NCOA1: variants seen among roughly 807,000 people sequenced by gnomAD.
The protein encoded by NCOA1 is nuclear receptor coactivator 1, also known as Hin-2 protein.
NCOA1 carries 35 observed loss-of-function variants against 150.9 expected under a neutral mutation model. That is an observed-to-expected ratio of 0.23 (90% CI 0.18 to 0.31). NCOA1 has a LOEUF of 0.31. NCOA1 is among the 10% of genes least tolerant of loss of function. NCOA1 has a pLI of 1.00. For missense variants in NCOA1, 1,491 were observed against 1,749.3 expected (o/e 0.85, Z 2.63); for synonymous variants, 590 against 630.0 (o/e 0.94, Z 0.95).
chr2:24,557,301 T>C (rs555718652), intron 1 of NCOA1, among the ~76,000 whole-genome samples: 3 of 152,246 alleles, frequency 2.0e-5, no homozygotes, highest in Admixed American at 6.5e-5. Flanking sequence ...TTTACAGCAC[T>C]GTACTTCAAT....
intron 14 of NCOA1, among the ~76,000 whole-genome samples, chr2:24,724,000 A>T (rs1052143557): frequency 1.3e-5 from 2 of 152,138 alleles, no homozygotes; most frequent in Non-Finnish European, 2.9e-5. Flanking sequence ...GTGTACAGAA[A>T]TTTTTTTCTA....
intron 22 of NCOA1, 81 bp downstream of exon 22, chr2:24,762,857 C>T (rs1356606586): frequency 7.8e-7 from 1 of 1,289,480 alleles, no homozygotes; most frequent in East Asian, 2.3e-5. Flanking sequence ...CATTAAGAGC[C>T]TGACCTTGGG....
chr2:24,681,192 C>T (rs1205899629), intron 7 of NCOA1, among the ~76,000 whole-genome samples: 4 of 152,046 alleles, frequency 2.6e-5, no homozygotes, highest in Non-Finnish European at 1.5e-5. Context: ...GGTAAAACCC[C>T]ATCTCTACTA....
intron 10 of NCOA1, among the ~76,000 whole-genome samples, chr2:24,694,827 A>AC (rs1048433357): frequency 3.3e-5 from 5 of 151,702 alleles, no homozygotes; most frequent in African/African-American, 1.2e-4. Flanking sequence ...TTTTTTTAAA[A>AC]TTTTTTTTTA....
intron 1 of NCOA1, among the ~76,000 whole-genome samples, chr2:24,503,669 G>T (rs1663561860): frequency 6.6e-6 from 1 of 151,384 alleles, no homozygotes; most frequent in African/African-American, 2.4e-5. Flanking sequence ...TGAGATATAT[G>T]GAAACTTGTC....
At chr2:24,738,993 C>T (rs1346645816) in intron 17 of NCOA1, among the ~76,000 whole-genome samples, 3 of 152,176 alleles carry the variant, frequency 2.0e-5, no homozygotes, top group Non-Finnish European at 4.4e-5. Flanking sequence ...CCAGCTTGCT[C>T]AACTTTCCCT....
intron 14 of NCOA1, among the ~76,000 whole-genome samples, chr2:24,721,262 T>C (rs922303821): frequency 2.0e-5 from 3 of 152,194 alleles, no homozygotes; most frequent in Non-Finnish European, 4.4e-5. Context: ...TTAATCTGTA[T>C]GATGATATTT....
intron 19 of NCOA1, among the ~76,000 whole-genome samples, chr2:24,746,036 G>A (rs944538371): frequency 1.4e-4 from 22 of 152,160 alleles, no homozygotes; most frequent in African/African-American, 5.3e-4. Context: ...TAACCTAGCT[G>A]CCTTTCTTTT....
chr2:24,676,828 C>G (rs1671932132), intron 7 of NCOA1, among the ~76,000 whole-genome samples: 1 of 152,012 alleles, frequency 6.6e-6, no homozygotes, highest in African/African-American at 2.4e-5. Flanking sequence ...AGAAAAATTT[C>G]ATAATTGGAA....
chr2:24,729,841 TAC>T, intron 17 of NCOA1, 26 bp downstream of exon 17: 1 of 1,569,180 alleles, frequency 6.4e-7, no homozygotes, highest in Non-Finnish European at 8.6e-7. Context: ...TAGCAGTTGA[TAC>T]TTTTTTTTTT....
intron 18 of NCOA1, 147 bp downstream of exon 18, chr2:24,739,680 A>G: frequency 1.8e-6 from 1 of 558,824 alleles, no homozygotes; most frequent in Admixed American, 3.4e-5. Flanking sequence ...TGAATTAATA[A>G]TCTACTTTTG....
At chr2:24,755,733 G>A (rs893480626) in intron 20 of NCOA1, among the ~76,000 whole-genome samples, 41 of 152,304 alleles carry the variant, frequency 2.7e-4, no homozygotes, top group African/African-American at 8.7e-4. Context: ...GGCAGGAGCA[G>A]TTTGAAAGAA....
At position 24,752,021 on chromosome 2, in the gene NCOA1, T is replaced by C. The variant is rs1351825149; in HGVS notation, c.3746T>C (p.Leu1249Pro). ...GGTGAGGCCAACTTTGCTCCATCTCTAAGCCCTGGGAGCTCCATGGTGCCG... is the reference window on the plus strand; with the variant it reads ...GGTGAGGCCAACTTTGCTCCATCTCCAAGCCCTGGGAGCTCCATGGTGCCG... Reference protein sequence around the residue: ...PQGEANFAPSLSPGSSMVPMP... With the variant: ...PQGEANFAPSPSPGSSMVPMP... Residue 1249 changes from leucine (L) to proline (P), a missense_variant, in exon 20 of 23, where the codon CTA becomes CCA. Leu to Pro is a moderately conservative substitution (Grantham distance 98). This residue lies in a region of NCOA1 where 485 missense variants were observed against 522.8 expected (regional missense o/e 0.93). Transcript: ENST00000348332. 1 of 1,613,996 alleles carries C rather than the reference T, an allele frequency of 6.2e-7. No individual in the cohort carries two copies.
At chr2:24,605,217 G>A (rs1405168117) in intron 3 of NCOA1, among the ~76,000 whole-genome samples, 1 of 152,082 alleles carries the variant, frequency 6.6e-6, no homozygotes, top group African/African-American at 2.4e-5. Context: ...TGACACAGAG[G>A]CACAAAGTGA....
intron 1 of NCOA1, among the ~76,000 whole-genome samples, chr2:24,540,996 G>A (rs1176415388): frequency 2.0e-5 from 3 of 152,154 alleles, no homozygotes; most frequent in African/African-American, 2.4e-5. Context: ...GGGGATGAGA[G>A]TGAAAGATAC....
At position 24,768,298 on chromosome 2, in the gene NCOA1, GC is replaced by G; in HGVS notation, c.4235del (p.Pro1412LeufsTer28). 1.2e-6 allele frequency: 2 copies of G among 1,613,906 alleles called. No homozygotes were observed. Among genetic ancestry groups the G allele is most frequent in the Non-Finnish European group, 1.7e-6 (2 of 1,179,968 alleles). On this transcript the variant is annotated frameshift_variant, in exon 23 of 23. Coordinates refer to ENST00000348332, the MANE Select transcript of NCOA1 (RefSeq NM_003743.5). LOFTEE classifies it high-confidence loss of function. ...LVGGDPYLNQ[P>X]GPLGTQKPTS... Reference sequence around the variant, plus strand: ...TAGGCGGGGACCCTTACCTGAACCAGCCTGGTCCACTGGGAACTCAAAAGCC... The same window carrying G: ...TAGGCGGGGACCCTTACCTGAACCAGCTGGTCCACTGGGAACTCAAAAGCC...
intron 8 of NCOA1, among the ~76,000 whole-genome samples, chr2:24,684,652 A>G (rs1422011847): frequency 1.3e-5 from 2 of 152,214 alleles, no homozygotes; most frequent in Admixed American, 6.5e-5. Context: ...TGCTACAGAG[A>G]TATCTTTCTC....
At chr2:24,576,148 TGTTTTTTTTTTTTTGTTTTTTG>T (rs1666947210) in intron 2 of NCOA1, among the ~76,000 whole-genome samples, 3 of 106,340 alleles carry the variant, frequency 2.8e-5, no homozygotes, top group South Asian at 5.7e-4. Flanking sequence ...ATTTGGCCTT[TGTTTTTTTTTTTTTGTTTTTTG>T]TTTTTTTTTT....
chr2:24,673,081 A>G lies in NCOA1; in HGVS notation c.257-285A>G, dbSNP rs544177087. Among the ~76,000 whole-genome samples the G allele has an allele frequency of 4.6e-5, 7 of 152,366 alleles. No individual in the cohort carries two copies. In the South Asian group the frequency reaches 8.3e-4, roughly 18 times the overall value. On this transcript the variant is annotated intron_variant, in intron 6 of 22. Transcript: ENST00000348332. ...CTGGTATGGACTTTTTAAAAAGGCA[A>G]TATATTTATAGCATTTTTCTCATTG...
Sources: allele counts gnomAD v4.1 joint callset (sites outside exome capture counted in the v4.1 genomes callset), GRCh38; gene constraint gnomAD v4.1.1; regional missense constraint gnomAD v4.1.1; transcripts MANE v1.5; gene names NCBI Gene and HGNC (gene_info 2026-07-23, HGNC 2026-07-21).